TMOD2: variants seen among roughly 807,000 people sequenced by gnomAD.
TMOD2 encodes the protein tropomodulin-2.
Under a neutral mutation model 39.9 loss-of-function variants are expected in TMOD2, and 22 were observed. That is an observed-to-expected ratio of 0.55 (90% confidence interval 0.39 to 0.79). The LOEUF (loss-of-function observed/expected upper bound fraction) is 0.79. TMOD2 is among the 30% of genes least tolerant of loss of function. The probability of loss-of-function intolerance (pLI) is 0.00; values close to 1 mark genes in which losing one functional copy is unlikely to be tolerated. For missense variants in TMOD2, 386 were observed against 413.3 expected (o/e 0.93, Z 0.57); for synonymous variants, 123 against 146.1 (o/e 0.84, Z 1.14).
At chr15:51,783,985 C>T (rs576232877) in intron 7 of TMOD2, 16 of 152,332 alleles carry the variant, frequency 1.1e-4, no homozygotes, top group African/African-American at 3.8e-4. Context: ...AATGCCAGCA[C>T]TGATCTTCGT....
chr15:51,780,887 C>G (rs1230824802), intron 5 of TMOD2, among the ~76,000 whole-genome samples, 157 bp from the exon 6 acceptor site: 1 of 152,156 alleles, frequency 6.6e-6, no homozygotes, highest in African/African-American at 2.4e-5. Context: ...ATAGCTATAC[C>G]ACTCCCATGC....
chr15:51,798,500 A>T (rs563774569), intron 8 of TMOD2, among the ~76,000 whole-genome samples, 160 bp downstream of exon 8: 1 of 152,326 alleles, frequency 6.6e-6, no homozygotes, highest in South Asian at 2.1e-4. Flanking sequence ...CCCATGGAGG[A>T]TGTGCAGAAG....
intron 4 of TMOD2, among the ~76,000 whole-genome samples, chr15:51,776,344 T>A (rs1401335500): frequency 6.6e-6 from 1 of 152,212 alleles, no homozygotes; most frequent in Non-Finnish European, 1.5e-5. Flanking sequence ...TTCCCCAGTG[T>A]TGTTTCCTGC....
rs1228133079 is a variant in TMOD2, at chr15:51,809,810, A to G, written c.*1356A>G. 6.6e-6 allele frequency: 1 copy of G among 152,028 alleles called. No individual in the cohort carries two copies. The highest frequency in any genetic ancestry group is 6.6e-5 in the Admixed American group (1 of 15,262). The allele number at this position is 152,028 out of a possible 1,614,324, so 9.4% of individuals were successfully genotyped here. On this transcript the variant is annotated 3_prime_UTR_variant, in exon 10 of 10. Transcript: ENST00000249700. ...AATTTGTTACTAAACAAATTCCAGA[A>G]TTTGTTTAGTAGCTGAGTGTTCCTG...
intron 7 of TMOD2, among the ~76,000 whole-genome samples, chr15:51,785,256 C>T (rs1195722087): frequency 2.0e-5 from 3 of 151,694 alleles, no homozygotes; most frequent in Admixed American, 2.0e-4. Context: ...ACTAAAAATA[C>T]AAAAAATTAG....
chr15:51,808,439 A>C lies in TMOD2; in HGVS notation c.1041A>C (p.Glu347Asp), dbSNP rs765129073. Residue 347 changes from glutamate (E) to aspartate (D), a missense_variant, in exon 10 of 10, where the codon GAA becomes GAC. By Grantham distance (45) the Glu-to-Asp change is conservative (BLOSUM62 2). Coordinates refer to ENST00000249700, the MANE Select transcript of TMOD2 (RefSeq NM_014548.4). ...NNDLVRKKRV[E>D]ADRR ...ACCTAGTTCGTAAGAAGAGAGTTGA[A>C]GCAGACCGAAGGTAAACTTCCTTGA... 15 of 1,612,858 alleles carry C rather than the reference A, an allele frequency of 9.3e-6. No homozygotes were observed. In the African/African-American group the frequency reaches 1.9e-4, roughly 20 times the overall value.
chr15:51,778,507 TA>T lies in TMOD2; in HGVS notation c.493+1502del, dbSNP rs34176952. Among the ~76,000 whole-genome samples, 343 of 138,852 alleles carry T rather than the reference TA, an allele frequency of 2.5e-3. 1 individual carries two copies. The highest frequency in any genetic ancestry group is 6.1e-3 in the African/African-American group (229 of 37,806). The allele number at this position is 138,852 out of a possible 152,430, so 91.1% of individuals were successfully genotyped here. On this transcript the variant is annotated intron_variant, in intron 5 of 9. Transcript: ENST00000249700. ...ATAATAATAATAAAAAATTAAAAAT[TA>T]AAAAAAAAAAAAGAAAGAAAGAAAA...
intron 7 of TMOD2, among the ~76,000 whole-genome samples, chr15:51,786,402 T>G (rs2055970371): frequency 6.6e-6 from 1 of 152,232 alleles, no homozygotes; most frequent in Non-Finnish European, 1.5e-5. Flanking sequence ...ACCTCAAACC[T>G]TATTCTGCTT....
chr15:51,781,317 A>C lies in TMOD2; in HGVS notation c.624+143A>C, dbSNP rs1304210177. The C allele has an allele frequency of 4.2e-6, 3 of 708,168 alleles. No homozygotes were observed. In the African/African-American group the frequency reaches 5.4e-5, roughly 13 times the overall value. 43.9% of individuals were successfully genotyped at this position (708,168 alleles called of 1,614,324 possible). On this transcript the variant is annotated intron_variant, in intron 6 of 9. Transcript: ENST00000249700. ...GAGTCAAGGTATCCTATTCAAAAGA[A>C]GTGGGTTTTGGAAAACAGTGATTTC...
intron 7 of TMOD2, among the ~76,000 whole-genome samples, chr15:51,790,005 A>G (rs2055999194): frequency 6.6e-6 from 1 of 152,206 alleles, no homozygotes; most frequent in African/African-American, 2.4e-5. Context: ...GAAATAACTA[A>G]GATCAGAGAA....
chr15:51,777,154 A>G, intron 5 of TMOD2, 136 bp downstream of exon 5: 1 of 692,900 alleles, frequency 1.4e-6, no homozygotes, highest in Non-Finnish European at 2.5e-6. Context: ...GAGCAATCAA[A>G]CCAGAACAGA....
chr15:51,757,343 A>C (rs1210091677), intron 1 of TMOD2, among the ~76,000 whole-genome samples: 1 of 143,052 alleles, frequency 7.0e-6, no homozygotes. Context: ...CAGAGCTTGC[A>C]GTGAACGGAG....
At chr15:51,768,833 G>A (rs891707868) in intron 3 of TMOD2, among the ~76,000 whole-genome samples, 14 of 152,164 alleles carry the variant, frequency 9.2e-5, no homozygotes, top group Non-Finnish European at 1.8e-4. Context: ...TTTTATTGTC[G>A]TGGAGGGTCA....
At chr15:51,784,844 C>A (rs10775145) in intron 7 of TMOD2, 73,958 of 151,966 alleles carry the variant, frequency 0.49, 18,339 homozygotes, top group Admixed American at 0.54. Context: ...ACTTCTGTTT[C>A]ATATATTATT....
chr15:51,788,700 A>C (rs1006202609), intron 7 of TMOD2, among the ~76,000 whole-genome samples: 3 of 152,222 alleles, frequency 2.0e-5, no homozygotes, highest in Non-Finnish European at 4.4e-5. Context: ...GGGGGCCAAT[A>C]TTCAACATTC....
At chr15:51,783,499 T>TTTTCTTTTTTTTTTTGAGAC (rs2055946095) in intron 7 of TMOD2, 5 of 151,616 alleles carry the variant, frequency 3.3e-5, no homozygotes, top group Non-Finnish European at 5.9e-5. Context: ...AAAGAAAAAT[T>TTTTCTTTTTTTTTTTGAGAC]AAAGTATATT....
At chr15:51,789,970 A>G (rs2055998947) in intron 7 of TMOD2, among the ~76,000 whole-genome samples, 1 of 152,202 alleles carries the variant, frequency 6.6e-6, no homozygotes, top group Admixed American at 6.5e-5. Context: ...AAGAGCAAAC[A>G]TATTCAAAAG....
At chr15:51,801,230 C>CTT (rs2056085460) in intron 8 of TMOD2, among the ~76,000 whole-genome samples, 1 of 101,706 alleles carries the variant, frequency 9.8e-6, no homozygotes, top group Admixed American at 1.2e-4. Context: ...CTCTCTCTCT[C>CTT]TCTCTCTCAC....
chr15:51,754,954 A>G (rs543899708), intron 1 of TMOD2, among the ~76,000 whole-genome samples: 31 of 152,258 alleles, frequency 2.0e-4, no homozygotes, highest in Non-Finnish European at 3.8e-4. Context: ...GTCAGGACAT[A>G]TGATTAAATG....
Sources: allele counts gnomAD v4.1 joint callset (sites outside exome capture counted in the v4.1 genomes callset), GRCh38; gene constraint gnomAD v4.1.1; transcripts MANE v1.5; gene names NCBI Gene and HGNC (gene_info 2026-07-23, HGNC 2026-07-21).